GPM6B: variants seen among roughly 807,000 people sequenced by gnomAD.
GPM6B encodes neuronal membrane glycoprotein M6-b.
In GPM6B, 4 loss-of-function variants were observed where a neutral mutation model predicts 27.2. The ratio of observed to expected loss-of-function variants is 0.15; its 90% CI spans 0.07 to 0.34. GPM6B has a LOEUF of 0.34. GPM6B is among the 10% of genes least tolerant of loss of function. The pLI, the probability that GPM6B is intolerant of heterozygous loss-of-function variation, is 1.00. For synonymous variants in GPM6B, 124 were observed against 103.1 expected, an observed-to-expected ratio of 1.20 and a Z score of -1.23; for missense variants, 183 against 261.9, an observed-to-expected ratio of 0.70 and a Z score of 2.08.
chrX:13,816,821 GCTATTGT>G lies in GPM6B; in HGVS notation c.61+16_61+22del, dbSNP rs1309630774. ...CCCCCCAGTGAAAAGCTTTAAACAG[GCTATTGT>G]CAGAGCGCTGGGTACCTTTTCTCTC... On this transcript the variant is annotated intron_variant, in intron 1 of 7. Transcript: ENST00000316715. 8.3e-7 allele frequency: 1 copy of G among 1,208,245 alleles called. No homozygotes were observed. Among genetic ancestry groups the G allele is most frequent in the Non-Finnish European group, 1.1e-6 (1 of 892,769 alleles).
intron 1 of GPM6B, among the ~76,000 whole-genome samples, chrX:13,870,865 A>G (rs2049967992): frequency 9.1e-6 from 1 of 109,767 alleles, no homozygotes; most frequent in Non-Finnish European, 1.9e-5. Flanking sequence ...TATTTAAAGA[A>G]GTTAGACCAG....
At chrX:13,836,182 G>A (rs1194225414) in intron 1 of GPM6B, among the ~76,000 whole-genome samples, 1 of 111,809 alleles carries the variant, frequency 8.9e-6, no homozygotes, top group Admixed American at 9.5e-5. Flanking sequence ...TCATACAGGT[G>A]GCTGATCTGC....
intron 1 of GPM6B, among the ~76,000 whole-genome samples, chrX:13,856,115 T>C (rs765416013): frequency 8.9e-6 from 1 of 112,012 alleles, no homozygotes; most frequent in East Asian, 2.8e-4. Flanking sequence ...TTCCCACATA[T>C]TAACTCTCTG....
intron 1 of GPM6B, among the ~76,000 whole-genome samples, chrX:13,845,665 T>C (rs2049637369): frequency 8.9e-6 from 1 of 112,184 alleles, no homozygotes; most frequent in Non-Finnish European, 1.9e-5. Flanking sequence ...TGGGATGCTT[T>C]AGTCTTCAGC....
chrX:13,840,721 T>A (rs2049562787), intron 1 of GPM6B, among the ~76,000 whole-genome samples: 1 of 111,649 alleles, frequency 9.0e-6, no homozygotes, highest in East Asian at 2.8e-4. Context: ...TAGATTCACA[T>A]GATTCCTCCC....
At chrX:13,844,850 A>G (rs1381514339) in intron 1 of GPM6B, among the ~76,000 whole-genome samples, 1 of 112,358 alleles carries the variant, frequency 8.9e-6, no homozygotes, top group Non-Finnish European at 1.9e-5. Flanking sequence ...CAAAAATAAG[A>G]AAACAGAAAA....
At chrX:13,926,567 A>T (rs780513551) in intron 1 of GPM6B, among the ~76,000 whole-genome samples, 68 of 112,378 alleles carry the variant, frequency 6.1e-4, no homozygotes, top group Non-Finnish European at 1.0e-3. Context: ...AGTAGCACAG[A>T]GATGCCAAAA....
chrX:13,863,493 C>T (rs1486911184), intron 1 of GPM6B, among the ~76,000 whole-genome samples: 1 of 111,542 alleles, frequency 9.0e-6, no homozygotes, highest in Non-Finnish European at 1.9e-5. Context: ...ACCACAAAAG[C>T]TATCACACCA....
intron 2 of GPM6B, among the ~76,000 whole-genome samples, chrX:13,800,129 A>C (rs1478403059): frequency 9.0e-6 from 1 of 111,655 alleles, no homozygotes; most frequent in Admixed American, 9.5e-5. Flanking sequence ...TGCTCTCTCT[A>C]TCTGATGAAG....
intron 1 of GPM6B, among the ~76,000 whole-genome samples, chrX:13,881,754 C>T (rs1380170023): frequency 9.3e-5 from 2 of 21,567 alleles, no homozygotes; most frequent in African/African-American, 2.0e-4. Flanking sequence ...ATTAGGTTGG[C>T]GCAAAAGCAA....
At chrX:13,892,119 C>T (rs967594462) in intron 1 of GPM6B, among the ~76,000 whole-genome samples, 2 of 111,823 alleles carry the variant, frequency 1.8e-5, no homozygotes, top group Non-Finnish European at 3.8e-5. Context: ...ATTTGAACCT[C>T]CTGTCCAGCA....
At chrX:13,858,097 G>GA (rs2049802275) in intron 1 of GPM6B, among the ~76,000 whole-genome samples, 1 of 112,333 alleles carries the variant, frequency 8.9e-6, no homozygotes, top group African/African-American at 3.2e-5. Flanking sequence ...CTGAAGGTCT[G>GA]AAAAGACTTG....
chrX:13,893,367 A>C (rs2050204532), intron 1 of GPM6B, among the ~76,000 whole-genome samples: 1 of 108,948 alleles, frequency 9.2e-6, no homozygotes, highest in Non-Finnish European at 1.9e-5. Context: ...GTTAAATTAA[A>C]TTACCTACAA....
chrX:13,876,767 G>A (rs2050037606), intron 1 of GPM6B, among the ~76,000 whole-genome samples: 1 of 110,544 alleles, frequency 9.0e-6, no homozygotes, highest in African/African-American at 3.3e-5. Flanking sequence ...GCTGTTCTCG[G>A]TGGAACCCAG....
At chrX:13,861,127 CATAT>C (rs749551591) in intron 1 of GPM6B, among the ~76,000 whole-genome samples, 2 of 95,293 alleles carry the variant, frequency 2.1e-5, no homozygotes, top group Admixed American at 1.2e-4. Flanking sequence ...TATACACATA[CATAT>C]ATATATAATA....
intron 2 of GPM6B, among the ~76,000 whole-genome samples, chrX:13,804,447 G>A (rs1438597177): frequency 9.2e-6 from 1 of 108,785 alleles, no homozygotes; most frequent in African/African-American, 3.4e-5. Context: ...GGTAGCCCAT[G>A]TGGTCATACA....
intron 1 of GPM6B, among the ~76,000 whole-genome samples, chrX:13,845,022 C>T (rs1314175717): frequency 9.8e-6 from 1 of 102,345 alleles, no homozygotes; most frequent in East Asian, 3.1e-4. Flanking sequence ...CGGAGTCTCG[C>T]TCTGTTGCCC....
At chrX:13,889,214 G>C (rs2147026730) in intron 1 of GPM6B, among the ~76,000 whole-genome samples, 1 of 111,724 alleles carries the variant, frequency 9.0e-6, no homozygotes, top group East Asian at 2.8e-4. Context: ...TCATAAAATA[G>C]TACTTAGCCA....
At chrX:13,781,927 CAAAG>C (rs1342732350) in intron 4 of GPM6B, among the ~76,000 whole-genome samples, 2 of 111,720 alleles carry the variant, frequency 1.8e-5, no homozygotes, top group Non-Finnish European at 3.8e-5. Context: ...ACTGAGGAGA[CAAAG>C]GCCTTTGGTG....
Sources: gnomAD v4.1 joint callset for allele counts (sites outside exome capture counted in the v4.1 genomes callset) on GRCh38, gnomAD v4.1.1 for gene constraint, MANE v1.5 for transcripts, NCBI Gene and HGNC (gene_info 2026-07-23, HGNC 2026-07-21) for gene names.